Variants in PLCH2 observed in about 807,000 individuals in gnomAD.
PLCH2 encodes phospholipase C eta 2, also known as 1-phosphatidylinositol 4,5-bisphosphate phosphodiesterase eta-2.
A neutral mutation model predicts 134.7 loss-of-function variants in PLCH2; 98 were observed. The observed-to-expected ratio is 0.73, with a 90% CI of 0.62 to 0.86. The LOEUF (loss-of-function observed/expected upper bound fraction) is 0.86. Among genes scored for constraint, PLCH2 ranks in the 40% least tolerant of loss-of-function variants. PLCH2 has a pLI of 0.00. For missense variants in PLCH2, 1,994 were observed against 1,986.6 expected (o/e 1.00, Z -0.07); for synonymous variants, 974 against 827.5 (o/e 1.18, Z -3.04).
At chr1:2,420,387 G>A in the PLCH2 span, among the ~76,000 whole-genome samples, 1 of 152,218 alleles carries the variant, frequency 6.6e-6, no homozygotes, top group Non-Finnish European at 1.5e-5. Flanking sequence ...GTGGGGGCCT[G>A]TGGGGCCCAG....
intron 2 of PLCH2, among the ~76,000 whole-genome samples, chr1:2,447,075 T>C (rs1639977466): frequency 6.6e-6 from 1 of 152,212 alleles, no homozygotes; most frequent in East Asian, 1.9e-4. Flanking sequence ...CAGCAGCCTT[T>C]GGGTGTCGAT....
At position 2,498,671 on chromosome 1, in the gene PLCH2, G is replaced by A. The variant is rs769785166; in HGVS notation, c.2349+24G>A. On this transcript the variant is annotated intron_variant, in intron 17 of 21. Transcript: ENST00000378486. This position sits in a 1 kb window ranked among gnomAD's most constrained non-coding sequence, Gnocchi z 5.4. ...AGGTGGGGGCCAGCCCCACACAGGCGGGAGGGGTGGGAGTTGGGGGCGGGC... is the reference window on the plus strand; with the variant it reads ...AGGTGGGGGCCAGCCCCACACAGGCAGGAGGGGTGGGAGTTGGGGGCGGGC... 9.4e-5 allele frequency: 142 copies of A among 1,512,842 alleles called. No individual in the cohort carries two copies. Among genetic ancestry groups the A allele is most frequent in the East Asian group, 6.3e-4 (26 of 41,584 alleles). The allele number at this position is 1,512,842 out of a possible 1,614,324, so 93.7% of individuals were successfully genotyped here.
rs1414831409 is a variant in PLCH2, at chr1:2,448,760, C to T, written c.115+18131C>T. Among the ~76,000 whole-genome samples the T allele has an allele frequency of 6.6e-6, 1 of 152,114 alleles. No individual in the cohort carries two copies. The highest frequency in any genetic ancestry group is 1.5e-5 in the Non-Finnish European group (1 of 68,024). On this transcript the variant is annotated intron_variant, in intron 2 of 3. Coordinates refer to the PLCH2 transcript ENST00000609981. This position sits in a 1 kb window ranked among gnomAD's most constrained non-coding sequence, Gnocchi z 4.0. ...CTGGTGCAGCCTCCTGGCTCCCCAC[C>T]ATCCAGTCTCTCCCTGGGTGGGGTC...
At chr1:2,465,845 G>A (rs1641034917), upstream of PLCH2, among the ~76,000 whole-genome samples, 1 of 152,128 alleles carries the variant, frequency 6.6e-6, no homozygotes, top group African/African-American at 2.4e-5. Context: ...GGGGCTCAGG[G>A]GCCTCTGTCC....
intron 1 of PLCH2, among the ~76,000 whole-genome samples, chr1:2,429,054 G>C (rs1252077512): frequency 6.6e-6 from 1 of 152,194 alleles, no homozygotes; most frequent in Non-Finnish European, 1.5e-5. Flanking sequence ...GGAGGGGGTG[G>C]GTGAGGCTGG....
chr1:2,478,738 A>C, intron 2 of PLCH2, 116 bp downstream of exon 2: 1 of 1,042,794 alleles, frequency 9.6e-7, no homozygotes, highest in Non-Finnish European at 1.4e-6. Flanking sequence ...AGGCCTGGAC[A>C]CCTCTGGGCT....
rs1640062499 is a variant in PLCH2, at chr1:2,448,803, C to G, written c.115+18174C>G. ...GTGGGGTCCTGGCTCCACAGGTGAC[C>G]AAGAGGGGTACTGGAGGCCTGGACG... On this transcript the variant is annotated intron_variant, in intron 2 of 3. Transcript: ENST00000609981. The surrounding 1 kb of genome is among the most constrained non-coding windows in gnomAD (Gnocchi z 4.0). Among the ~76,000 whole-genome samples the G allele has an allele frequency of 6.6e-6, 1 of 152,106 alleles. No individual in the cohort carries two copies. Among genetic ancestry groups the G allele is most frequent in the African/African-American group, 2.4e-5 (1 of 41,420 alleles).
chr1:2,482,601 A>C (rs1373629450), intron 4 of PLCH2, among the ~76,000 whole-genome samples: 2 of 152,152 alleles, frequency 1.3e-5, no homozygotes, highest in African/African-American at 4.8e-5. Context: ...CCTTCATGCC[A>C]AGCCGTGGGT....
chr1:2,456,704 C>T (rs188228706), intron 2 of PLCH2, among the ~76,000 whole-genome samples: 569 of 152,272 alleles, frequency 3.7e-3, no homozygotes, highest in Non-Finnish European at 6.5e-3. Context: ...TCAGTTTCCC[C>T]CTCTGAAGCC....
chr1:2,440,344 C>T (rs1233199539), intron 2 of PLCH2, among the ~76,000 whole-genome samples: 8 of 152,114 alleles, frequency 5.3e-5, no homozygotes, highest in Non-Finnish European at 1.2e-4. Context: ...CCAGGAGCAC[C>T]CGGCCATGGT....
chr1:2,435,452 A>C (rs1156359418), intron 2 of PLCH2, among the ~76,000 whole-genome samples: 4 of 140,208 alleles, frequency 2.9e-5, no homozygotes, highest in Non-Finnish European at 6.1e-5. Context: ...TTAGGTTCCA[A>C]ATGGCTGGAG....
chr1:2,454,657 C>T (rs924037042), intron 2 of PLCH2, among the ~76,000 whole-genome samples: 4 of 152,148 alleles, frequency 2.6e-5, no homozygotes, highest in Non-Finnish European at 5.9e-5. Flanking sequence ...TGGGGAGGGG[C>T]CAGGACCTGA....
chr1:2,502,194 CCCCGGCCCGG>C lies in PLCH2; in HGVS notation c.2748_2757del (p.Ala917ProfsTer126). On this transcript the variant is annotated frameshift_variant, in exon 21 of 22. Transcript: ENST00000378486. LOFTEE classifies it high-confidence loss of function. ...CTGGACAGTCATGCTGCTGGGCGGC[CCCCGGCCCGG>C]CCCTCCGTTAGCCAGCGGATCCTGC... The C allele has an allele frequency of 6.5e-7, 1 of 1,536,080 alleles. No individual in the cohort carries two copies. The highest frequency in any genetic ancestry group is 8.7e-7 in the Non-Finnish European group (1 of 1,143,186).
chr1:2,470,502 G>A (rs759650866), intron 1 of PLCH2, among the ~76,000 whole-genome samples: 3 of 152,214 alleles, frequency 2.0e-5, no homozygotes, highest in East Asian at 1.9e-4. Context: ...CAGAGCATTC[G>A]TGGGGCTGCT....
chr1:2,448,332 G>A lies in PLCH2; in HGVS notation c.115+17703G>A, dbSNP rs1383701549. On this transcript the variant is annotated intron_variant, in intron 2 of 3. Coordinates refer to the PLCH2 transcript ENST00000609981. This position sits in a 1 kb window ranked among gnomAD's most constrained non-coding sequence, Gnocchi z 4.0. Reference sequence around the variant, plus strand: ...GCCGCGCTCCCTCTGCAGGCTCCCCGGGAGGAACTTCCTGGCCTCCTCCAG... The same window carrying A: ...GCCGCGCTCCCTCTGCAGGCTCCCCAGGAGGAACTTCCTGGCCTCCTCCAG... 1.3e-5 allele frequency among the ~76,000 whole-genome samples: 2 copies of A among 152,116 alleles called. No individual in the cohort carries two copies. Among genetic ancestry groups the A allele is most frequent in the East Asian group, 1.9e-4 (1 of 5,196 alleles).
rs537599759 is a variant in PLCH2 at position 2,448,321 on chromosome 1, G to A, written c.115+17692G>A. 2.0e-5 allele frequency among the ~76,000 whole-genome samples: 3 copies of A among 152,262 alleles called. No individual in the cohort carries two copies. The South Asian group carries it at 6.2e-4, about 32-fold the overall frequency. The stretch of plus-strand genomic sequence containing the variant: ...GTGTGGGTGGGGCCGCGCTCCCTCT[G>A]CAGGCTCCCCGGGAGGAACTTCCTG... On this transcript the variant is annotated intron_variant, in intron 2 of 3. Coordinates refer to the PLCH2 transcript ENST00000609981. This position sits in a 1 kb window ranked among gnomAD's most constrained non-coding sequence, Gnocchi z 4.0.
Position 2,504,939 on chromosome 1 carries a change from AG to A in PLCH2, c.3982del (p.Val1328TrpfsTer170), listed in dbSNP as rs1421347850. The A allele has an allele frequency of 2.6e-6, 4 of 1,560,624 alleles. No homozygotes were observed. The highest frequency in any genetic ancestry group is 2.3e-5 in the East Asian group (1 of 42,686). ...CCCACCAGCCTGGGCCCGGCTGGGG[AG>A]GGGGTGGCAGGGGGCCCTGGTTTTG... ...TSPTSLGPAG[E>X]GVAGGPGFVR... On this transcript the variant is annotated frameshift_variant, in exon 22 of 22. Coordinates refer to ENST00000378486, the MANE Select transcript of PLCH2 (RefSeq NM_014638.4). LOFTEE classifies it high-confidence loss of function.
chr1:2,426,497 C>G (rs1220816107), intron 1 of PLCH2, among the ~76,000 whole-genome samples: 2 of 152,206 alleles, frequency 1.3e-5, no homozygotes, highest in African/African-American at 4.8e-5. Flanking sequence ...GGGGCCTTTC[C>G]CTCCGGGTCA....
At chr1:2,456,310 C>G (rs1223758276) in intron 2 of PLCH2, among the ~76,000 whole-genome samples, 1 of 152,230 alleles carries the variant, frequency 6.6e-6, no homozygotes, top group Non-Finnish European at 1.5e-5. Context: ...TGGCTCCTAC[C>G]TGACCTCATG....
Sources: gnomAD v4.1 joint callset for allele counts (sites outside exome capture counted in the v4.1 genomes callset) on GRCh38, gnomAD v4.1.1 for gene constraint, Gnocchi (gnomAD v3.1) non-coding constraint, MANE v1.5 for transcripts, NCBI Gene and HGNC (gene_info 2026-07-23, HGNC 2026-07-21) for gene names.